Variants in LRP1B observed in about 807,000 individuals in gnomAD.
The protein encoded by LRP1B is LDL receptor related protein 1B.
Under a neutral mutation model 556.6 loss-of-function variants are expected in LRP1B, and 217 were observed. That is an observed-to-expected ratio of 0.39 (90% confidence interval 0.35 to 0.44). The LOEUF is 0.44. Among genes scored for constraint, LRP1B ranks in the 20% least tolerant of loss-of-function variants. The pLI is 1.00. For missense variants in LRP1B, 5,053 were observed against 5,620.8 expected (o/e 0.90, Z 3.23); for synonymous variants, 2,047 against 1,865.8 (o/e 1.10, Z -2.50).
intron 3 of LRP1B, among the ~76,000 whole-genome samples, chr2:141,406,369 C>T (rs144737135): frequency 6.6e-6 from 1 of 152,118 alleles, no homozygotes; most frequent in East Asian, 1.9e-4. Flanking sequence ...TTCTTAAAAT[C>T]TGGTTGGGAT....
intron 2 of LRP1B, among the ~76,000 whole-genome samples, chr2:141,658,471 A>G (rs1247555233): frequency 2.0e-5 from 3 of 152,206 alleles, no homozygotes; most frequent in African/African-American, 4.8e-5. Flanking sequence ...TGTGTTCCCT[A>G]AAAGGCAGCC....
intron 77 of LRP1B, among the ~76,000 whole-genome samples, chr2:140,348,428 A>G (rs970349315): frequency 2.0e-5 from 3 of 152,062 alleles, no homozygotes; most frequent in Admixed American, 2.0e-4. Flanking sequence ...AGAGGTTCCA[A>G]ACTTATAATT....
At chr2:140,626,227 T>A (rs1336583612) in intron 41 of LRP1B, among the ~76,000 whole-genome samples, 1 of 152,096 alleles carries the variant, frequency 6.6e-6, no homozygotes, top group African/African-American at 2.4e-5. Context: ...GATGGAAGGA[T>A]AAATAGGCAG....
intron 21 of LRP1B, among the ~76,000 whole-genome samples, chr2:140,922,542 G>A (rs116411031): frequency 0.047 from 7,074 of 151,752 alleles, 189 homozygotes; most frequent in Non-Finnish European, 0.052. Flanking sequence ...TTAGGGTGAG[G>A]CCTTATCTAC....
chr2:140,855,646 ACT>A lies in LRP1B; in HGVS notation c.4580-3865_4580-3864del, dbSNP rs199784550. On this transcript the variant is annotated intron_variant, in intron 27 of 90. Transcript: ENST00000389484. Reference sequence around the variant, plus strand: ...ACCCTCCAGCTCTTTATTCTGATCCACTCTCTTGTTTATTTTTGTTAAAGAAG... The same window carrying A: ...ACCCTCCAGCTCTTTATTCTGATCCACTCTTGTTTATTTTTGTTAAAGAAG... Among the ~76,000 whole-genome samples, 706 of 151,062 alleles carry A rather than the reference ACT, an allele frequency of 4.7e-3. 5 individuals are homozygous for A. The highest frequency in any genetic ancestry group is 0.016 in the African/African-American group (653 of 41,112).
At chr2:140,647,625 A>G (rs1684529429) in intron 41 of LRP1B, among the ~76,000 whole-genome samples, 1 of 152,198 alleles carries the variant, frequency 6.6e-6, no homozygotes, top group East Asian at 1.9e-4. Context: ...CCCATGAACT[A>G]TTTAGTCTAC....
chr2:141,062,070 G>A lies in LRP1B; in HGVS notation c.1217C>T (p.Thr406Ile), dbSNP rs2105468047. 3 of 1,611,558 alleles carry A rather than the reference G, an allele frequency of 1.9e-6. No individual in the cohort carries two copies. The highest frequency in any genetic ancestry group is 2.5e-6 in the Non-Finnish European group (3 of 1,178,300). Residue 406 changes from threonine (T) to isoleucine (I), a missense_variant, in exon 8 of 91, where the codon ACT becomes ATT. Physicochemically the swap from Thr to Ile is moderately conservative, Grantham distance 89. Coordinates refer to ENST00000389484, the MANE Select transcript of LRP1B (RefSeq NM_018557.3). ...VVDYQGKNRH[T>I]VIQGRQVRHL... ...ACTTACTTGTCTGCCTTGAATGACA[G>A]TGTGTCTATTTTTTCCTTGATAGTC...
At chr2:142,128,185 C>A (rs1014948982) in intron 1 of LRP1B, among the ~76,000 whole-genome samples, 2 of 152,038 alleles carry the variant, frequency 1.3e-5, no homozygotes, top group Non-Finnish European at 2.9e-5. Context: ...CTATTTAATA[C>A]AATGTTTGAA....
chr2:140,262,184 A>G (rs1298244949), intron 86 of LRP1B, among the ~76,000 whole-genome samples: 1 of 152,162 alleles, frequency 6.6e-6, no homozygotes, highest in Non-Finnish European at 1.5e-5. Context: ...AATAGAAGCT[A>G]GAGTATGGAA....
At chr2:140,575,284 AT>A (rs1229504277) in intron 43 of LRP1B, among the ~76,000 whole-genome samples, 1 of 152,174 alleles carries the variant, frequency 6.6e-6, no homozygotes, top group Non-Finnish European at 1.5e-5. Flanking sequence ...GTGCCCATCT[AT>A]TTCCAACAGC....
At chr2:140,936,890 G>A (rs895592958) in intron 20 of LRP1B, among the ~76,000 whole-genome samples, 7 of 151,990 alleles carry the variant, frequency 4.6e-5, no homozygotes, top group Non-Finnish European at 8.8e-5. Flanking sequence ...TAAAAGTAAT[G>A]GTAAAAACCT....
At chr2:140,948,720 T>C (rs1342086323) in intron 20 of LRP1B, among the ~76,000 whole-genome samples, 1 of 152,224 alleles carries the variant, frequency 6.6e-6, no homozygotes, top group Non-Finnish European at 1.5e-5. Flanking sequence ...GTCAAGACCA[T>C]CAACCATGAG....
At position 141,017,942 on chromosome 2, in the gene LRP1B, CGT is replaced by C. The variant is rs1358575232; in HGVS notation, c.1970+1978_1970+1979del. ...CTTGAGTCCAGGCTATCGAGGCTGT[CGT>C]GAGCCAAGATCATACCACTGCACTC... On this transcript the variant is annotated intron_variant, in intron 12 of 90. Transcript: ENST00000389484. Among the ~76,000 whole-genome samples the C allele has an allele frequency of 2.0e-5, 3 of 150,234 alleles. No homozygotes were observed. The East Asian group carries it at 5.9e-4, about 30-fold the overall frequency.
chr2:141,295,636 C>G (rs894169962), intron 3 of LRP1B, among the ~76,000 whole-genome samples: 4 of 151,932 alleles, frequency 2.6e-5, no homozygotes, highest in African/African-American at 9.7e-5. Flanking sequence ...GGTAAATTAG[C>G]TTTTACTTTA....
intron 86 of LRP1B, among the ~76,000 whole-genome samples, chr2:140,264,240 AT>A (rs575677410): frequency 6.6e-6 from 1 of 150,590 alleles, no homozygotes; most frequent in East Asian, 1.9e-4. Flanking sequence ...TGGTTTGTTT[AT>A]TTTTTTTGAA....
chr2:141,489,334 T>A (rs1019075688), intron 2 of LRP1B, among the ~76,000 whole-genome samples: 30 of 152,006 alleles, frequency 2.0e-4, no homozygotes, highest in African/African-American at 6.8e-4. Flanking sequence ...TCCATTTTCT[T>A]GGATGTATTA....
chr2:141,451,228 T>C (rs987331393), intron 3 of LRP1B, among the ~76,000 whole-genome samples: 7 of 152,148 alleles, frequency 4.6e-5, no homozygotes, highest in Non-Finnish European at 1.5e-5. Context: ...CACTAACCCA[T>C]CTGTGTATGA....
rs200713009 is a variant in LRP1B at position 140,532,941 on chromosome 2, T to C, written c.7762+1080A>G. Among the ~76,000 whole-genome samples the C allele has an allele frequency of 8.8e-5, 10 of 113,532 alleles. No homozygotes were observed. In the East Asian group the frequency reaches 1.9e-3, roughly 22 times the overall value. The allele number at this position is 113,532 out of a possible 152,430, so 74.5% of individuals were successfully genotyped here. ...AATCACAGCACAAGATATATATATATATATATACACATATATATCTCGATC... is the reference window on the plus strand; with the variant it reads ...AATCACAGCACAAGATATATATATACATATATACACATATATATCTCGATC... On this transcript the variant is annotated intron_variant, in intron 47 of 90. Transcript: ENST00000389484.
chr2:141,408,040 A>G (rs1032130854), intron 3 of LRP1B, among the ~76,000 whole-genome samples: 1 of 152,068 alleles, frequency 6.6e-6, no homozygotes, highest in African/African-American at 2.4e-5. Context: ...AGAAATCTTC[A>G]TACCTGGTTT....
Sources: gnomAD v4.1 joint callset for allele counts (sites outside exome capture counted in the v4.1 genomes callset) on GRCh38, gnomAD v4.1.1 for gene constraint, MANE v1.5 for transcripts, NCBI Gene and HGNC (gene_info 2026-07-23, HGNC 2026-07-21) for gene names.